FER1L6: variants seen among roughly 807,000 people sequenced by gnomAD.
FER1L6 encodes fer-1 like family member 6, also known as fer-1-like protein 6.
FER1L6 carries 177 observed loss-of-function variants against 219.2 expected under a neutral mutation model. The ratio of observed to expected loss-of-function variants is 0.81; its 90% CI spans 0.71 to 0.91. The LOEUF (loss-of-function observed/expected upper bound fraction) is 0.91. FER1L6 is among the 40% of genes least tolerant of loss of function. The pLI is 0.00. For synonymous variants in FER1L6, 768 were observed against 824.3 expected, an observed-to-expected ratio of 0.93 and a Z score of 1.17; for missense variants, 2,153 against 2,259.9, an observed-to-expected ratio of 0.95 and a Z score of 0.96.
rs369781109 is a variant in FER1L6, at chr8:124,023,578, C to G, written c.2268C>G (p.Ile756Met). 31 of 1,613,988 alleles carry G rather than the reference C, an allele frequency of 1.9e-5. 1 individual carries two copies. In the African/African-American group the frequency reaches 3.7e-4, roughly 19 times the overall value. ...AGQMGKHCGKIKTHFLKPPGK... is the reference protein window; with the variant it reads ...AGQMGKHCGKMKTHFLKPPGK... ...AGATGGGCAAACACTGCGGCAAGAT[C>G]AAAACTCACTTCCTCAAAGTAAGTG... Residue 756 changes from isoleucine to methionine, a missense_variant, in exon 18 of 41, where the codon ATC becomes ATG. By Grantham distance (10) the Ile-to-Met change is conservative. Coordinates refer to ENST00000522917, the MANE Select transcript of FER1L6 (RefSeq NM_001039112.2).
chr8:123,933,698 C>G (rs888042609), intron 1 of FER1L6, among the ~76,000 whole-genome samples: 3 of 152,202 alleles, frequency 2.0e-5, no homozygotes, highest in Admixed American at 2.0e-4. Flanking sequence ...AATAAACGAT[C>G]AAAGTGAAGT....
At chr8:124,056,067 G>C (rs1244412061) in intron 22 of FER1L6, among the ~76,000 whole-genome samples, 1 of 152,044 alleles carries the variant, frequency 6.6e-6, no homozygotes, top group African/African-American at 2.4e-5. Context: ...AGAATACATG[G>C]GGCCCACCCA....
chr8:123,901,675 A>T (rs1192257836), intron 1 of FER1L6, among the ~76,000 whole-genome samples: 1 of 150,338 alleles, frequency 6.7e-6, no homozygotes, highest in East Asian at 1.9e-4. Flanking sequence ...CCTTTGCCGT[A>T]TCCCAGAGGT....
chr8:124,033,454 T>C (rs1819057573), intron 18 of FER1L6, among the ~76,000 whole-genome samples: 1 of 152,208 alleles, frequency 6.6e-6, no homozygotes, highest in Non-Finnish European at 1.5e-5. Flanking sequence ...TTACAGGTTG[T>C]AGAGTGGTTG....
intron 39 of FER1L6, among the ~76,000 whole-genome samples, chr8:124,110,127 T>C (rs1165533867): frequency 1.3e-5 from 2 of 152,190 alleles, no homozygotes; most frequent in Non-Finnish European, 2.9e-5. Flanking sequence ...GACTTCCCTT[T>C]TCTTGTATCT....
intron 12 of FER1L6, among the ~76,000 whole-genome samples, chr8:123,993,233 G>A (rs544368953): frequency 6.6e-6 from 1 of 151,916 alleles, no homozygotes; most frequent in Non-Finnish European, 1.5e-5. Flanking sequence ...ACGAGGTCAG[G>A]AGATCGAGAC....
chr8:123,952,093 C>T (rs1335836273), intron 1 of FER1L6, among the ~76,000 whole-genome samples: 2 of 151,238 alleles, frequency 1.3e-5, no homozygotes, highest in African/African-American at 4.8e-5. Flanking sequence ...GCTACGTGTA[C>T]AGCTTTTAAT....
intron 15 of FER1L6, among the ~76,000 whole-genome samples, chr8:124,016,747 A>G (rs1402722633): frequency 6.6e-6 from 1 of 152,222 alleles, no homozygotes; most frequent in Non-Finnish European, 1.5e-5. Flanking sequence ...GTCATGATAT[A>G]TTTAACTAGT....
At chr8:124,022,236 G>A (rs905428236) in intron 17 of FER1L6, among the ~76,000 whole-genome samples, 1 of 152,156 alleles carries the variant, frequency 6.6e-6, no homozygotes. Flanking sequence ...TCATTCCCTG[G>A]AGGCATATTA....
chr8:123,949,315 A>AT (rs1183245676), intron 1 of FER1L6, among the ~76,000 whole-genome samples: 1 of 152,202 alleles, frequency 6.6e-6, no homozygotes, highest in Non-Finnish European at 1.5e-5. Flanking sequence ...TTAGTTTAAC[A>AT]TAGCACCCAT....
intron 1 of FER1L6, among the ~76,000 whole-genome samples, chr8:123,920,870 G>A (rs187395810): frequency 4.6e-4 from 70 of 152,144 alleles, no homozygotes; most frequent in Admixed American, 4.1e-3. Context: ...GGCAACTACC[G>A]TTCTACTTTC....
chr8:123,871,451 C>A (rs369651350), intron 1 of FER1L6, among the ~76,000 whole-genome samples: 171 of 152,172 alleles, frequency 1.1e-3, no homozygotes, highest in African/African-American at 4.1e-3. Context: ...CGCTAAACAC[C>A]AACCCCCTGC....
rs138487309 is a variant in FER1L6, at chr8:124,108,126, G to A, written c.5289+4817G>A. On this transcript the variant is annotated intron_variant, in intron 39 of 40. Transcript: ENST00000522917. ...TGTAGTCTCAGCTACTTGGGGTGCCGAGGCACGAGGATCCCTGGAGCCCAG... is the reference window on the plus strand; with the variant it reads ...TGTAGTCTCAGCTACTTGGGGTGCCAAGGCACGAGGATCCCTGGAGCCCAG... Among the ~76,000 whole-genome samples the A allele has an allele frequency of 1.0e-3, 152 of 152,286 alleles. No homozygotes were observed. The Middle Eastern group carries it at 0.02, about 20-fold the overall frequency.
At chr8:123,968,511 C>T (rs1374038835) in intron 5 of FER1L6, among the ~76,000 whole-genome samples, 1 of 152,088 alleles carries the variant, frequency 6.6e-6, no homozygotes, top group African/African-American at 2.4e-5. Context: ...ATATGAAACC[C>T]ATCAGAAGGT....
At chr8:123,991,196 C>CT (rs574624094) in intron 12 of FER1L6, among the ~76,000 whole-genome samples, 129 of 152,106 alleles carry the variant, frequency 8.5e-4, no homozygotes, top group African/African-American at 2.7e-3. Context: ...TATTTGTGCT[C>CT]TTTTTTTGGT....
At chr8:124,000,048 G>C (rs144669902) in intron 12 of FER1L6, among the ~76,000 whole-genome samples, 1 of 152,296 alleles carries the variant, frequency 6.6e-6, no homozygotes, top group East Asian at 1.9e-4. Context: ...AAGCTTGCTG[G>C]AACTTAGGAT....
intron 21 of FER1L6, among the ~76,000 whole-genome samples, chr8:124,048,515 G>A (rs1040939791): frequency 3.3e-5 from 5 of 152,314 alleles, no homozygotes; most frequent in South Asian, 2.1e-4. Flanking sequence ...CCATCGCATC[G>A]CATACTTCTT....
intron 15 of FER1L6, among the ~76,000 whole-genome samples, chr8:124,016,256 C>A (rs1010127750): frequency 1.3e-5 from 2 of 152,082 alleles, no homozygotes; most frequent in Non-Finnish European, 2.9e-5. Flanking sequence ...AAATATAATC[C>A]TTTTTATTCT....
intron 12 of FER1L6, among the ~76,000 whole-genome samples, chr8:124,001,435 T>C (rs949551989): frequency 8.5e-5 from 13 of 152,216 alleles, no homozygotes; most frequent in African/African-American, 2.7e-4. Context: ...TCTGCTCTCA[T>C]GCTCTGCCTT....
Sources: gnomAD v4.1 joint callset for allele counts (sites outside exome capture counted in the v4.1 genomes callset) on GRCh38, gnomAD v4.1.1 for gene constraint, MANE v1.5 for transcripts, NCBI Gene and HGNC (gene_info 2026-07-23, HGNC 2026-07-21) for gene names.